TRIM36: variants seen among roughly 807,000 people sequenced by gnomAD.
TRIM36 encodes E3 ubiquitin-protein ligase TRIM36.
Under a neutral mutation model 72.4 loss-of-function variants are expected in TRIM36, and 42 were observed. The observed-to-expected ratio is 0.58, with a 90% CI of 0.45 to 0.75. TRIM36 has a LOEUF of 0.75. Among genes scored for constraint, TRIM36 ranks in the 30% least tolerant of loss-of-function variants. The pLI, the probability that TRIM36 is intolerant of heterozygous loss-of-function variation, is 0.00. For synonymous variants in TRIM36, 315 were observed against 282.8 expected, an observed-to-expected ratio of 1.11 and a Z score of -1.14; for missense variants, 913 against 857.1, an observed-to-expected ratio of 1.07 and a Z score of -0.81.
intron 4 of TRIM36, among the ~76,000 whole-genome samples, chr5:115,142,938 G>A (rs886201641): frequency 3.3e-5 from 5 of 152,218 alleles, no homozygotes; most frequent in South Asian, 2.1e-4. Context: ...AGTCTCCTGA[G>A]GGCAAACCAA....
At chr5:115,133,814 C>T (rs531902133) in intron 8 of TRIM36, 46 bp downstream of exon 8, 108 of 1,518,092 alleles carry the variant, frequency 7.1e-5, no homozygotes, top group South Asian at 4.4e-4. Flanking sequence ...ATCAAGGTCT[C>T]TTGCAACTAA....
intron 3 of TRIM36, among the ~76,000 whole-genome samples, chr5:115,145,733 G>A (rs903884397): frequency 6.6e-5 from 10 of 152,090 alleles, no homozygotes; most frequent in Non-Finnish European, 1.2e-4. Flanking sequence ...CGAACAAAAA[G>A]TACAATACAG....
intron 2 of TRIM36, among the ~76,000 whole-genome samples, chr5:115,148,598 A>G (rs1445572922): frequency 1.3e-5 from 2 of 151,694 alleles, no homozygotes; most frequent in African/African-American, 2.4e-5. Flanking sequence ...TTTAGTAGAG[A>G]TGGGGTTTCA....
chr5:115,135,965 T>C (rs944448468), intron 7 of TRIM36, among the ~76,000 whole-genome samples: 1 of 152,216 alleles, frequency 6.6e-6, no homozygotes, highest in South Asian at 2.1e-4. Flanking sequence ...CTTTGTAGTG[T>C]TCACCATCAC....
At chr5:115,138,258 C>T (rs1753074061) in intron 5 of TRIM36, among the ~76,000 whole-genome samples, 2 of 152,226 alleles carry the variant, frequency 1.3e-5, no homozygotes, top group Middle Eastern at 3.4e-3. Context: ...TGCCACCACG[C>T]CCAGCTTTTT....
rs139664053 is a variant in TRIM36, at chr5:115,141,524, C to T, written c.736-150G>A. On this transcript the variant is annotated intron_variant, in intron 4 of 9. Coordinates refer to ENST00000513154, the MANE Select transcript of TRIM36 (RefSeq NM_001300759.2). The stretch of plus-strand genomic sequence containing the variant: ...ACTATGGCAATTATCATTATTAACC[C>T]GGAGTAAACAGTTAATGGCCTTAGG... 2.5e-3 allele frequency: 1,205 copies of T among 489,634 alleles called. 1 individual carries two copies. The highest frequency in any genetic ancestry group is 2.8e-3 in the Non-Finnish European group (788 of 283,826). The allele number at this position is 489,634 out of a possible 1,614,324, so 30.3% of individuals were successfully genotyped here.
intron 2 of TRIM36, among the ~76,000 whole-genome samples, chr5:115,153,017 G>A (rs1258291061): frequency 6.6e-6 from 1 of 152,136 alleles, no homozygotes; most frequent in Non-Finnish European, 1.5e-5. Flanking sequence ...CACAGTGAAT[G>A]AAATGGTACC....
rs1237961387 is a variant in TRIM36 at position 115,126,569 on chromosome 5, G to A, written c.2085C>T (p.Gly695=). 6 of 1,613,750 alleles carry A rather than the reference G, an allele frequency of 3.7e-6. No homozygotes were observed. The East Asian group carries it at 1.1e-4, about 30-fold the overall frequency. The change falls in exon 10 of 10, where the codon GGC becomes GGT. Residue 695 remains glycine (G), a synonymous_variant. Transcript: ENST00000513154. The part of the protein sequence containing the change: ...HTLYPAFALM[G]SGGIQLEEPI... ...GTTCTTCAAGCTGAATTCCTCCACT[G>A]CCCATTAATGCAAATGCTGGATACA...
At position 115,124,940 on chromosome 5, in the gene TRIM36, T is replaced by C. The variant is rs1478590381; in HGVS notation, c.*1563A>G. 3.9e-5 allele frequency: 6 copies of C among 152,524 alleles called. No individual in the cohort carries two copies. Among genetic ancestry groups the C allele is most frequent in the Non-Finnish European group, 7.4e-5 (5 of 67,936 alleles). The allele number at this position is 152,524 out of a possible 1,614,324, so 9.4% of individuals were successfully genotyped here. A position where few individuals can be genotyped will look rare whatever the true frequency, so the allele number is the denominator to read the frequency against. On this transcript the variant is annotated 3_prime_UTR_variant, in exon 10 of 10. Transcript: ENST00000513154. ...CACAAATGTGACTTTAGCAGCTTTA[T>C]TGCATAATGATCCACATAACGCTGC...
intron 9 of TRIM36, among the ~76,000 whole-genome samples, chr5:115,127,464 G>A (rs150935450): frequency 6.6e-6 from 1 of 152,200 alleles, no homozygotes; most frequent in Non-Finnish European, 1.5e-5. Context: ...GGGAGGCTGA[G>A]GCATAAGAAT....
rs1297968549 is a variant in TRIM36, at chr5:115,126,778, T to C, written c.1876A>G (p.Ile626Val). 4 of 1,614,052 alleles carry C rather than the reference T, an allele frequency of 2.5e-6. No individual in the cohort carries two copies. Among genetic ancestry groups the C allele is most frequent in the East Asian group, 4.5e-5 (2 of 44,888 alleles). The change falls in exon 10 of 10, where the codon ATA becomes GTA. Residue 626 changes from isoleucine (I) to valine (V), a missense_variant. Ile to Val is a conservative substitution (Grantham distance 29). Coordinates refer to ENST00000513154, the MANE Select transcript of TRIM36 (RefSeq NM_001300759.2). Reference sequence around the variant, plus strand: ...GGTATAAAAAATTTCTGCATGCCTATAGTAACTAAGGTAAATGGTTGTGAA... The same window carrying C: ...GGTATAAAAAATTTCTGCATGCCTACAGTAACTAAGGTAAATGGTTGTGAA... ...DSSQPFTLVT[I>V]GMQKFFIPKS...
chr5:115,140,970 T>G (rs992590088), intron 5 of TRIM36, among the ~76,000 whole-genome samples: 2 of 152,192 alleles, frequency 1.3e-5, no homozygotes, highest in African/African-American at 2.4e-5. Context: ...TAAAAATAAG[T>G]AAAACCTATC....
At chr5:115,160,243 A>G (rs1754407659) in intron 2 of TRIM36, among the ~76,000 whole-genome samples, 1 of 152,184 alleles carries the variant, frequency 6.6e-6, no homozygotes, top group African/African-American at 2.4e-5. Context: ...AAATAATCCA[A>G]AAGAAATGTA....
chr5:115,129,240 T>G (rs1752522600), intron 9 of TRIM36, among the ~76,000 whole-genome samples: 1 of 152,226 alleles, frequency 6.6e-6, no homozygotes, highest in Admixed American at 6.5e-5. Context: ...CAGAACATAT[T>G]CCTGTTGCTA....
At position 115,137,115 on chromosome 5, in the gene TRIM36, T is replaced by C; in HGVS notation, c.1095A>G (p.Lys365=). ...TAKQLHLRIQ[K]ATESLKSFRP... The stretch of plus-strand genomic sequence containing the variant: ...TAAAGCTCTTCAAAGATTCTGTGGC[T>C]TTCTGTATTCTGCAGACAGATATTT... The change falls in exon 7 of 10, where the codon AAA becomes AAG. Residue 365 remains lysine, a synonymous_variant. Coordinates refer to ENST00000513154, the MANE Select transcript of TRIM36 (RefSeq NM_001300759.2). 1 of 1,594,030 alleles carries C rather than the reference T, an allele frequency of 6.3e-7. No individual in the cohort carries two copies. The highest frequency in any genetic ancestry group is 8.5e-7 in the Non-Finnish European group (1 of 1,174,038).
chr5:115,136,098 T>C (rs1353446019), intron 7 of TRIM36, among the ~76,000 whole-genome samples: 2 of 151,888 alleles, frequency 1.3e-5, no homozygotes, highest in Non-Finnish European at 2.9e-5. Flanking sequence ...ATTGCATCCT[T>C]CCCCAGTCCC....
At chr5:115,138,936 C>A (rs1003694228) in intron 5 of TRIM36, among the ~76,000 whole-genome samples, 1 of 152,172 alleles carries the variant, frequency 6.6e-6, no homozygotes, top group African/African-American at 2.4e-5. Context: ...CTGCCTCAGC[C>A]TCCCGAGTAG....
chr5:115,134,998 T>C (rs576429832), intron 7 of TRIM36, among the ~76,000 whole-genome samples: 5 of 152,330 alleles, frequency 3.3e-5, no homozygotes, highest in Admixed American at 2.6e-4. Context: ...AGGTAATTAC[T>C]ATAACCTTTT....
intron 3 of TRIM36, among the ~76,000 whole-genome samples, chr5:115,146,497 C>G (rs1478701350): frequency 1.3e-5 from 2 of 152,114 alleles, no homozygotes; most frequent in Non-Finnish European, 2.9e-5. Flanking sequence ...GCAAACAATA[C>G]ATAAACTTCT....
Sources: gnomAD v4.1 joint callset for allele counts (sites outside exome capture counted in the v4.1 genomes callset) on GRCh38, gnomAD v4.1.1 for gene constraint, MANE v1.5 for transcripts, NCBI Gene and HGNC (gene_info 2026-07-23, HGNC 2026-07-21) for gene names.